Variants in PPP1R37 observed in about 807,000 individuals in gnomAD.
PPP1R37 encodes leucine rich repeat containing 68.
Under a neutral mutation model 61.0 loss-of-function variants are expected in PPP1R37, and 21 were observed. That is an observed-to-expected ratio of 0.34 (90% CI 0.24 to 0.50). The LOEUF is 0.50. PPP1R37 is among the 20% of genes least tolerant of loss of function. The probability of loss-of-function intolerance (pLI) is 0.98; values close to 1 mark genes in which losing one functional copy is unlikely to be tolerated. For synonymous variants in PPP1R37, 443 were observed against 433.5 expected (o/e 1.02, Z -0.27); for missense variants, 910 against 952.7 (o/e 0.96, Z 0.59).
rs2043321 is a variant in PPP1R37 at position 45,114,689 on chromosome 19, A to G, written c.202+21162A>G. 7.3e-3 allele frequency among the ~76,000 whole-genome samples: 1,108 copies of G among 152,140 alleles called. 12 individuals are homozygous for G. Among genetic ancestry groups the G allele is most frequent in the African/African-American group, 0.025 (1,020 of 41,516 alleles). On this transcript the variant is annotated intron_variant, in intron 1 of 12. Coordinates refer to ENST00000221462, the MANE Select transcript of PPP1R37 (RefSeq NM_019121.2). ...AGGCTGGGCATAGTGGCTCACACCTATAATTCCAGCACTTTGGGAGGCCGA... is the reference window on the plus strand; with the variant it reads ...AGGCTGGGCATAGTGGCTCACACCTGTAATTCCAGCACTTTGGGAGGCCGA...
intron 1 of PPP1R37, among the ~76,000 whole-genome samples, chr19:45,132,021 C>T (rs1385635010): frequency 6.6e-6 from 1 of 152,188 alleles, no homozygotes; most frequent in Non-Finnish European, 1.5e-5. Flanking sequence ...AAGCCGTTAC[C>T]TCTGCAGATC....
In PPP1R37 at chr19:45,142,383, C is replaced by G; in HGVS notation, c.799C>G (p.Gln267Glu). 1 of 1,536,132 alleles carries G rather than the reference C, an allele frequency of 6.5e-7. No individual in the cohort carries two copies. Among genetic ancestry groups the G allele is most frequent in the South Asian group, 1.2e-5 (1 of 84,064 alleles). Residue 267 changes from glutamine (Q) to glutamate (E), a missense_variant, in exon 7 of 13, where the codon CAG becomes GAG. By Grantham distance (29) the Gln-to-Glu change is conservative (BLOSUM62 2). Coordinates refer to ENST00000221462, the MANE Select transcript of PPP1R37 (RefSeq NM_019121.2). ...NKLNGLQDSAQLGNLLKFNCS... is the reference protein window; with the variant it reads ...NKLNGLQDSAELGNLLKFNCS... Reference sequence around the variant, plus strand: ...GCTCAACGGCCTGCAGGACTCGGCCCAGCTGGGTAACCTGCTCAAGTTCAA... The same window carrying G: ...GCTCAACGGCCTGCAGGACTCGGCCGAGCTGGGTAACCTGCTCAAGTTCAA...
At chr19:45,129,828 C>T (rs761939758) in intron 1 of PPP1R37, among the ~76,000 whole-genome samples, 6 of 152,236 alleles carry the variant, frequency 3.9e-5, no homozygotes, top group Non-Finnish European at 8.8e-5. Flanking sequence ...CCCCCATGGG[C>T]TTTACCCTTC....
chr19:45,113,333 A>G (rs545063405), intron 1 of PPP1R37, among the ~76,000 whole-genome samples: 144 of 152,342 alleles, frequency 9.5e-4, no homozygotes, highest in African/African-American at 3.2e-3. Context: ...CATAATAGCT[A>G]GCGTTGGTGG....
chr19:45,144,816 C>G, intron 8 of PPP1R37, 38 bp from the exon 9 acceptor site: 1 of 1,490,086 alleles, frequency 6.7e-7, no homozygotes, highest in East Asian at 2.5e-5. Flanking sequence ...CCTCCGCCAT[C>G]ACGGCCTCCT....
At chr19:45,143,057 C>A in intron 7 of PPP1R37, 1 of 168,184 alleles carries the variant, frequency 5.9e-6, no homozygotes, top group Non-Finnish European at 1.3e-5. Context: ...CAGGCCCAGA[C>A]CCCACTCTAC....
At chr19:45,128,193 G>A (rs1968432960) in intron 1 of PPP1R37, among the ~76,000 whole-genome samples, 1 of 152,160 alleles carries the variant, frequency 6.6e-6, no homozygotes, top group Non-Finnish European at 1.5e-5. Flanking sequence ...CCTAAAAGCA[G>A]TCACCTAGTT....
intron 1 of PPP1R37, chr19:45,136,198 G>A (rs954496822): frequency 1.3e-5 from 2 of 152,210 alleles, no homozygotes; most frequent in African/African-American, 2.4e-5. Flanking sequence ...ATAGGATGTA[G>A]CAGCAGCTGT....
At chr19:45,097,746 T>C (rs1968011186) in intron 1 of PPP1R37, among the ~76,000 whole-genome samples, 1 of 152,026 alleles carries the variant, frequency 6.6e-6, no homozygotes, top group African/African-American at 2.4e-5. Context: ...GCTTGTTTTC[T>C]TGGTGGTGGT....
chr19:45,132,511 G>A (rs939633754), intron 1 of PPP1R37, among the ~76,000 whole-genome samples: 1 of 152,052 alleles, frequency 6.6e-6, no homozygotes, highest in Non-Finnish European at 1.5e-5. Context: ...TTTGTTGCTC[G>A]GCTGGTCTTG....
chr19:45,108,080 G>C (rs1342121312), intron 1 of PPP1R37, among the ~76,000 whole-genome samples: 2 of 152,198 alleles, frequency 1.3e-5, no homozygotes, highest in African/African-American at 4.8e-5. Context: ...AGGAACATTG[G>C]AAGTCTCAGA....
chr19:45,099,032 A>G (rs1306073773), intron 1 of PPP1R37, among the ~76,000 whole-genome samples: 1 of 152,274 alleles, frequency 6.6e-6, no homozygotes, highest in Non-Finnish European at 1.5e-5. Flanking sequence ...TGGGAGGATT[A>G]AGTGAGATAA....
chr19:45,142,658 C>T (rs569307771), intron 7 of PPP1R37, 200 bp downstream of exon 7: 17 of 610,088 alleles, frequency 2.8e-5, no homozygotes, highest in East Asian at 5.8e-5. Context: ...AGCCCAGAGG[C>T]GGGGTCCGAT....
intron 1 of PPP1R37, among the ~76,000 whole-genome samples, chr19:45,099,204 G>A (rs569887249): frequency 7.2e-5 from 11 of 152,194 alleles, no homozygotes; most frequent in Non-Finnish European, 1.2e-4. Flanking sequence ...CCACGTCAGC[G>A]TCCCTGCTTT....
At position 45,141,459 on chromosome 19, in the gene PPP1R37, TCCAGGAAGAGGCAGC is replaced by T; in HGVS notation, c.567+19_567+33del. 6.6e-7 allele frequency: 1 copy of T among 1,514,834 alleles called. No homozygotes were observed. Among genetic ancestry groups the T allele is most frequent in the Non-Finnish European group, 8.8e-7 (1 of 1,132,072 alleles). The allele number at this position is 1,514,834 out of a possible 1,614,324, so 93.8% of individuals were successfully genotyped here. On this transcript the variant is annotated intron_variant, in intron 5 of 12. Transcript: ENST00000221462. Reference sequence around the variant, plus strand: ...TGCGCAAGGTGGGCGCCTCTCGGCTTCCAGGAAGAGGCAGCTCAGGCTCCCAGCACGGGGAGGCAC... The same window carrying T: ...TGCGCAAGGTGGGCGCCTCTCGGCTTTCAGGCTCCCAGCACGGGGAGGCAC...
intron 1 of PPP1R37, among the ~76,000 whole-genome samples, chr19:45,124,807 G>GA (rs35150714): frequency 0.55 from 78,584 of 142,310 alleles, 21,482 homozygotes; most frequent in African/African-American, 0.62. Context: ...CATAAAAAAA[G>GA]AAAAAAAAAA....
intron 1 of PPP1R37, among the ~76,000 whole-genome samples, chr19:45,112,000 G>A (rs910656040): frequency 1.3e-5 from 2 of 149,452 alleles, no homozygotes; most frequent in African/African-American, 5.0e-5. Flanking sequence ...AGACAGTCTC[G>A]CTCTGTCGTC....
intron 1 of PPP1R37, among the ~76,000 whole-genome samples, chr19:45,101,321 T>G (rs866854441): frequency 6.6e-6 from 1 of 152,156 alleles, no homozygotes; most frequent in Middle Eastern, 3.4e-3. Context: ...CAGACTTAGT[T>G]GAGGTAGAGG....
intron 1 of PPP1R37, among the ~76,000 whole-genome samples, chr19:45,117,301 G>C (rs1968281355): frequency 6.6e-6 from 1 of 152,178 alleles, no homozygotes; most frequent in South Asian, 2.1e-4. Context: ...AGGGAGGGAA[G>C]AGCAGTTGCA....
Sources: allele counts gnomAD v4.1 joint callset (sites outside exome capture counted in the v4.1 genomes callset), GRCh38; gene constraint gnomAD v4.1.1; transcripts MANE v1.5; gene names NCBI Gene and HGNC (gene_info 2026-07-23, HGNC 2026-07-21).